Variants in SIL1 observed in about 807,000 individuals in gnomAD.
SIL1 encodes SIL1 nucleotide exchange factor.
SIL1 carries 40 observed loss-of-function variants against 49.1 expected under a neutral mutation model. That is an observed-to-expected ratio of 0.81 (90% CI 0.63 to 1.06). The LOEUF (loss-of-function observed/expected upper bound fraction) is 1.06. Among genes scored for constraint, SIL1 ranks in the 50% least tolerant of loss-of-function variants. SIL1 has a pLI of 0.00. For missense variants in SIL1, 500 were observed against 572.6 expected (o/e 0.87, Z 1.29); for synonymous variants, 253 against 250.8 (o/e 1.01, Z -0.08).
At chr5:139,186,549 G>A (rs976763019) in intron 1 of SIL1, among the ~76,000 whole-genome samples, 2 of 152,252 alleles carry the variant, frequency 1.3e-5, no homozygotes, top group Middle Eastern at 6.8e-3. Context: ...CATGACGATA[G>A]GCTGAGTAGC....
intron 3 of SIL1, among the ~76,000 whole-genome samples, chr5:139,067,705 A>G (rs1769737967): frequency 6.6e-6 from 1 of 152,270 alleles, no homozygotes; most frequent in African/African-American, 2.4e-5. Context: ...CTCTGGGCCA[A>G]TAATGGCAAG....
At chr5:139,064,691 G>A (rs1208377100) in intron 3 of SIL1, among the ~76,000 whole-genome samples, 2 of 152,204 alleles carry the variant, frequency 1.3e-5, no homozygotes, top group Non-Finnish European at 2.9e-5. Context: ...TTCACTAGAA[G>A]GAATTGCAGC....
chr5:139,165,087 A>T (rs190359064), intron 1 of SIL1, among the ~76,000 whole-genome samples: 2 of 152,156 alleles, frequency 1.3e-5, no homozygotes, highest in African/African-American at 4.8e-5. Context: ...GAGATAATCA[A>T]CTAAGAGTCA....
intron 7 of SIL1, among the ~76,000 whole-genome samples, chr5:138,966,122 G>A (rs1767132970): frequency 6.6e-6 from 1 of 152,060 alleles, no homozygotes. Flanking sequence ...ACAGTACCTG[G>A]CATGTAATTT....
At chr5:139,060,386 T>G (rs1263870263) in intron 3 of SIL1, among the ~76,000 whole-genome samples, 1 of 152,090 alleles carries the variant, frequency 6.6e-6, no homozygotes. Context: ...TAAATAACAG[T>G]TTTTTCTGAA....
intron 3 of SIL1, among the ~76,000 whole-genome samples, chr5:139,065,114 A>G (rs968555501): frequency 3.9e-5 from 6 of 152,202 alleles, no homozygotes; most frequent in Admixed American, 2.0e-4. Context: ...ATTTTTTAGA[A>G]TATTCATGTC....
chr5:139,133,858 A>C (rs1750918390), intron 1 of SIL1, among the ~76,000 whole-genome samples: 1 of 152,248 alleles, frequency 6.6e-6, no homozygotes, highest in Admixed American at 6.5e-5. Flanking sequence ...TGAAGCAAAG[A>C]GACAAAAGAA....
intron 3 of SIL1, among the ~76,000 whole-genome samples, chr5:139,084,640 C>T (rs867909107): frequency 2.5e-4 from 29 of 114,808 alleles, no homozygotes; most frequent in African/African-American, 8.4e-4. Flanking sequence ...GTGGTGGGGT[C>T]GGGGGAGGGG....
chr5:138,962,240 C>A (rs1337336930), intron 7 of SIL1, among the ~76,000 whole-genome samples: 1 of 151,984 alleles, frequency 6.6e-6, no homozygotes, highest in East Asian at 1.9e-4. Flanking sequence ...TTGACAATTA[C>A]CTCAGAGTTG....
chr5:138,988,193 T>C (rs1299172547), intron 7 of SIL1, among the ~76,000 whole-genome samples: 4 of 152,136 alleles, frequency 2.6e-5, no homozygotes, highest in Non-Finnish European at 5.9e-5. Context: ...CTCTCCAGAG[T>C]CCAAAGCTCC....
intron 3 of SIL1, among the ~76,000 whole-genome samples, chr5:139,098,809 CTTTTTTTTTTTTT>C (rs59863544): frequency 1.9e-4 from 17 of 89,086 alleles, no homozygotes; most frequent in African/African-American, 6.1e-4. Flanking sequence ...TTTTCTTACT[CTTTTTTTTTTTTT>C]TTTTTTTTTT....
chr5:139,190,911 T>C (rs186285569), intron 1 of SIL1, among the ~76,000 whole-genome samples: 46 of 152,092 alleles, frequency 3.0e-4, no homozygotes, highest in African/African-American at 1.1e-3. Flanking sequence ...TCCCCATGAG[T>C]ATGAGATGGG....
intron 7 of SIL1, among the ~76,000 whole-genome samples, chr5:139,005,226 C>T (rs938975660): frequency 6.1e-5 from 9 of 148,094 alleles, no homozygotes; most frequent in African/African-American, 2.3e-4. Context: ...AAAATAAATA[C>T]ATATAATTTT....
At chr5:139,000,757 G>A (rs919397170) in intron 7 of SIL1, among the ~76,000 whole-genome samples, 3 of 151,970 alleles carry the variant, frequency 2.0e-5, no homozygotes, top group African/African-American at 7.3e-5. Context: ...TAAAATGTCT[G>A]TAACAAAAGC....
At chr5:139,122,677 A>C (rs757160660) in intron 2 of SIL1, among the ~76,000 whole-genome samples, 4 of 152,196 alleles carry the variant, frequency 2.6e-5, no homozygotes, top group Non-Finnish European at 5.9e-5. Flanking sequence ...GTTGTCGAGG[A>C]AAAGTTAAAA....
chr5:139,134,448 G>A (rs1038432915), intron 1 of SIL1, among the ~76,000 whole-genome samples: 4 of 152,002 alleles, frequency 2.6e-5, no homozygotes, highest in Admixed American at 6.6e-5. Context: ...CTCCATCATT[G>A]GAATGGAAAT....
intron 1 of SIL1, among the ~76,000 whole-genome samples, chr5:139,164,096 G>A (rs989617042): frequency 7.4e-6 from 1 of 134,842 alleles, no homozygotes; most frequent in Non-Finnish European, 1.5e-5. Context: ...TCCAGCCTGG[G>A]CAACAACAAG....
At chr5:139,031,605 T>G (rs1483802511) in intron 5 of SIL1, among the ~76,000 whole-genome samples, 1 of 152,206 alleles carries the variant, frequency 6.6e-6, no homozygotes, top group Admixed American at 6.5e-5. Flanking sequence ...CCTTCAACTT[T>G]CCATACAAAC....
intron 1 of SIL1, among the ~76,000 whole-genome samples, chr5:139,190,889 G>A (rs970149836): frequency 6.6e-6 from 1 of 152,070 alleles, no homozygotes; most frequent in Non-Finnish European, 1.5e-5. Flanking sequence ...CAAGAATACA[G>A]TCAAACCCAA....
Sources: gnomAD v4.1 joint callset for allele counts (sites outside exome capture counted in the v4.1 genomes callset) on GRCh38, gnomAD v4.1.1 for gene constraint, MANE v1.5 for transcripts, NCBI Gene and HGNC (gene_info 2026-07-23, HGNC 2026-07-21) for gene names.